The following KCNMB2 variants were observed in gnomAD, a reference collection of about 807,000 sequenced individuals.
KCNMB2 encodes the protein calcium-activated potassium channel subunit beta-2.
Under a neutral mutation model 24.5 loss-of-function variants are expected in KCNMB2, and 9 were observed. The observed-to-expected ratio is 0.37, with a 90% CI of 0.22 to 0.64. KCNMB2 has a LOEUF of 0.64. Ranked by LOEUF, KCNMB2 falls within the 30% of genes least tolerant of loss-of-function variation. The pLI is 0.63. For missense variants in KCNMB2, 226 were observed against 284.3 expected (o/e 0.79, Z 1.47); for synonymous variants, 109 against 104.4 (o/e 1.04, Z -0.27).
intron 1 of KCNMB2, among the ~76,000 whole-genome samples, chr3:178,767,322 T>C (rs1251805614): frequency 1.3e-5 from 2 of 152,192 alleles, no homozygotes; most frequent in Non-Finnish European, 2.9e-5. Context: ...ATGGTCTGAA[T>C]GTTTGTATAT....
At chr3:178,703,026 T>C (rs1722155468) in intron 1 of KCNMB2, among the ~76,000 whole-genome samples, 1 of 152,144 alleles carries the variant, frequency 6.6e-6, no homozygotes, top group Non-Finnish European at 1.5e-5. Context: ...TAGTTAATTG[T>C]ACAGATAGCC....
chr3:178,548,588 A>G (rs1715848277), intron 1 of KCNMB2, among the ~76,000 whole-genome samples: 1 of 152,102 alleles, frequency 6.6e-6, no homozygotes, highest in Non-Finnish European at 1.5e-5. Context: ...AACCTCCAGA[A>G]AAGGTCTCTT....
chr3:178,586,156 GGAT>G (rs1717421857), intron 1 of KCNMB2, among the ~76,000 whole-genome samples: 1 of 152,142 alleles, frequency 6.6e-6, no homozygotes. Flanking sequence ...TGTCAAGAGG[GGAT>G]TTTGTGGAGG....
chr3:178,627,409 G>A (rs1419054088), intron 1 of KCNMB2, among the ~76,000 whole-genome samples: 1 of 152,170 alleles, frequency 6.6e-6, no homozygotes, highest in East Asian at 1.9e-4. Context: ...ACAGTTTTAT[G>A]TACAGTCCAG....
chr3:178,592,718 T>C (rs1434853772), intron 1 of KCNMB2, among the ~76,000 whole-genome samples: 5 of 152,206 alleles, frequency 3.3e-5, no homozygotes, highest in Middle Eastern at 3.4e-3. Flanking sequence ...CCTGCTTATT[T>C]TGTTTTACGA....
intron 2 of KCNMB2, among the ~76,000 whole-genome samples, chr3:178,822,016 T>G (rs1714647389): frequency 6.6e-6 from 1 of 152,210 alleles, no homozygotes; most frequent in African/African-American, 2.4e-5. Context: ...ATTTTGAAAC[T>G]CAATCGTGTC....
At chr3:178,836,321 G>GA (rs142795015) in intron 4 of KCNMB2, among the ~76,000 whole-genome samples, 22,129 of 151,494 alleles carry the variant, frequency 0.15, 1,862 homozygotes, top group Non-Finnish European at 0.19. Flanking sequence ...AGAGGCTAAG[G>GA]AAAAAAAAAT....
intron 1 of KCNMB2, among the ~76,000 whole-genome samples, chr3:178,785,176 G>A (rs9864794): frequency 0.011 from 1,663 of 152,028 alleles, 31 homozygotes; most frequent in African/African-American, 0.039. Context: ...TGTTCAATAA[G>A]ATACCATCAC....
intron 1 of KCNMB2, among the ~76,000 whole-genome samples, chr3:178,564,203 G>A (rs762105102): frequency 1.4e-4 from 21 of 152,140 alleles, no homozygotes; most frequent in African/African-American, 3.4e-4. Flanking sequence ...GCTTCAACCC[G>A]GGAGGCGGAG....
At chr3:178,713,487 G>C (rs1722518604) in intron 1 of KCNMB2, among the ~76,000 whole-genome samples, 1 of 152,196 alleles carries the variant, frequency 6.6e-6, no homozygotes, top group Non-Finnish European at 1.5e-5. Context: ...ATATTTCTTA[G>C]AGATTACTTT....
intron 4 of KCNMB2, among the ~76,000 whole-genome samples, chr3:178,836,335 G>C (rs1715228727): frequency 6.6e-6 from 1 of 152,088 alleles, no homozygotes; most frequent in South Asian, 2.1e-4. Context: ...AAAAAATTTA[G>C]TCAGTTCCCC....
At chr3:178,674,148 C>T (rs1042185249) in intron 1 of KCNMB2, among the ~76,000 whole-genome samples, 3 of 151,956 alleles carry the variant, frequency 2.0e-5, no homozygotes, top group Non-Finnish European at 2.9e-5. Context: ...TGGCCACTCT[C>T]TTTCACTCTC....
At chr3:178,711,298 G>A (rs71308199) in intron 1 of KCNMB2, among the ~76,000 whole-genome samples, 2,578 of 152,236 alleles carry the variant, frequency 0.017, 32 homozygotes, top group Non-Finnish European at 0.025. Flanking sequence ...AAATATCACA[G>A]TACAAGTAAA....
At chr3:178,593,348 A>T (rs1717747738) in intron 1 of KCNMB2, among the ~76,000 whole-genome samples, 1 of 152,140 alleles carries the variant, frequency 6.6e-6, no homozygotes, top group South Asian at 2.1e-4. Flanking sequence ...CACCTGACTC[A>T]GTTCCTTCTA....
Position 178,629,974 on chromosome 3 carries a change from T to A in KCNMB2, c.-68+93263T>A, listed in dbSNP as rs539266358. Among the ~76,000 whole-genome samples the A allele has an allele frequency of 3.9e-5, 6 of 152,334 alleles. No individual in the cohort carries two copies. In the East Asian group the frequency reaches 1.2e-3, roughly 29 times the overall value. On this transcript the variant is annotated intron_variant, in intron 1 of 4. Transcript: ENST00000452583. ...GAGATCATGTTTAATGTACTGCCAA[T>A]GTTACCTGACACCACCAACAGACTC... is the stretch of plus-strand genomic sequence containing the variant.
At position 178,577,486 on chromosome 3, in the gene KCNMB2, C is replaced by T. The variant is rs1717038007; in HGVS notation, c.-68+40775C>T. Among the ~76,000 whole-genome samples the T allele has an allele frequency of 1.3e-5, 2 of 152,146 alleles. 1 individual carries two copies. The highest frequency in any genetic ancestry group is 4.1e-4 in the South Asian group (2 of 4,830). Reference sequence around the variant, plus strand: ...TCCTCCAAAGGATCACAACTCCTCACCAGCAAGGGAACAAAAGTGGACAGA... The same window carrying T: ...TCCTCCAAAGGATCACAACTCCTCATCAGCAAGGGAACAAAAGTGGACAGA... On this transcript the variant is annotated intron_variant, in intron 1 of 4. Transcript: ENST00000452583.
intron 1 of KCNMB2, among the ~76,000 whole-genome samples, chr3:178,718,947 G>T (rs2108356471): frequency 6.6e-6 from 1 of 150,790 alleles, no homozygotes; most frequent in South Asian, 2.1e-4. Flanking sequence ...AAGACCCCAA[G>T]TGGCTATAAG....
intron 1 of KCNMB2, among the ~76,000 whole-genome samples, chr3:178,635,403 A>C (rs1719483465): frequency 7.2e-6 from 1 of 138,684 alleles, no homozygotes. Flanking sequence ...ACAGGTGCTT[A>C]TGCATACACA....
chr3:178,597,962 T>A (rs758638193), intron 1 of KCNMB2, among the ~76,000 whole-genome samples: 1 of 151,890 alleles, frequency 6.6e-6, no homozygotes, highest in Non-Finnish European at 1.5e-5. Flanking sequence ...AAGTGAAACA[T>A]GGAGCCTTAA....
Sources: allele counts gnomAD v4.1 joint callset (sites outside exome capture counted in the v4.1 genomes callset), GRCh38; gene constraint gnomAD v4.1.1; transcripts MANE v1.5; gene names NCBI Gene and HGNC (gene_info 2026-07-23, HGNC 2026-07-21).